Variants in PPIH observed in about 807,000 individuals in gnomAD.
The protein encoded by PPIH is peptidyl-prolyl cis-trans isomerase H.
In PPIH, 16 loss-of-function variants were observed where a neutral mutation model predicts 27.6. The observed-to-expected ratio is 0.58, with a 90% CI of 0.39 to 0.88. The LOEUF (loss-of-function observed/expected upper bound fraction) is 0.88, where lower values mean the gene tolerates loss of function less well. Among genes scored for constraint, PPIH ranks in the 40% least tolerant of loss-of-function variants. The pLI is 0.00. For missense variants in PPIH, 155 were observed against 224.1 expected, an observed-to-expected ratio of 0.69 and a Z score of 1.97; for synonymous variants, 63 against 76.1, an observed-to-expected ratio of 0.83 and a Z score of 0.90.
rs182530078 is a variant in PPIH, at chr1:42,666,124, A to G, written c.424+57A>G. On this transcript the variant is annotated intron_variant, in intron 7 of 9. Coordinates refer to ENST00000304979, the MANE Select transcript of PPIH (RefSeq NM_006347.4). ...CCCATTCACCCTGGATGGAACCTCC[A>G]GAGGAGTTAGTTCTCAAACTCTTAC... The G allele has an allele frequency of 2.8e-3, 4,238 of 1,513,188 alleles. 6 individuals are homozygous for G. Among genetic ancestry groups the G allele is most frequent in the Non-Finnish European group, 3.3e-3 (3,552 of 1,088,632 alleles). 93.7% of individuals were successfully genotyped at this position (1,513,188 alleles called of 1,614,324 possible).
At chr1:42,673,274 C>T (rs887446543) in intron 9 of PPIH, among the ~76,000 whole-genome samples, 1 of 152,184 alleles carries the variant, frequency 6.6e-6, no homozygotes, top group Admixed American at 6.5e-5. Flanking sequence ...CATGAACCAC[C>T]GTGCCCAGCC....
intron 9 of PPIH, among the ~76,000 whole-genome samples, chr1:42,668,437 T>G (rs1649461225): frequency 6.6e-6 from 1 of 152,056 alleles, no homozygotes; most frequent in Non-Finnish European, 1.5e-5. Context: ...CTCTTTCCCA[T>G]TTGAAAGTTG....
chr1:42,660,745 A>G, intron 4 of PPIH, 117 bp from the exon 5 acceptor site: 1 of 951,218 alleles, frequency 1.1e-6, no homozygotes, highest in Non-Finnish European at 1.5e-6. Flanking sequence ...TAATGATTTT[A>G]TAATAGCCAA....
At chr1:42,661,216 T>C (rs1648997897) in intron 5 of PPIH, among the ~76,000 whole-genome samples, 1 of 152,206 alleles carries the variant, frequency 6.6e-6, no homozygotes, top group East Asian at 1.9e-4. Context: ...CACTAATTAG[T>C]CATATGAAAC....
downstream of PPIH, among the ~76,000 whole-genome samples, chr1:42,679,839 G>A (rs910307675): frequency 1.1e-4 from 17 of 152,204 alleles, no homozygotes; most frequent in African/African-American, 3.6e-4. Context: ...CAACAGCTGT[G>A]GAATCCACCC....
rs1648770971 is a variant in PPIH, at chr1:42,658,426, T to G, written c.-21T>G. On this transcript the variant is annotated 5_prime_UTR_variant, in exon 1 of 10. Coordinates refer to ENST00000304979, the MANE Select transcript of PPIH (RefSeq NM_006347.4). ...TTCGCCGGAATCCCACGCTCCCGAC[T>G]TCTGCTTCCGGGTCGGAGCCATGGC... 1 of 1,610,448 alleles carries G rather than the reference T, an allele frequency of 6.2e-7. No individual in the cohort carries two copies. The highest frequency in any genetic ancestry group is 2.2e-5 in the East Asian group (1 of 44,854).
chr1:42,673,509 G>C (rs901674713), intron 9 of PPIH, among the ~76,000 whole-genome samples: 4 of 152,166 alleles, frequency 2.6e-5, no homozygotes, highest in African/African-American at 4.8e-5. Context: ...AAATGGTAGA[G>C]AGCTTTCCTT....
At chr1:42,669,225 G>A (rs189310071) in intron 9 of PPIH, among the ~76,000 whole-genome samples, 30 of 149,542 alleles carry the variant, frequency 2.0e-4, no homozygotes, top group East Asian at 5.9e-4. Context: ...AAGAAAAACC[G>A]AAACTGCAGT....
chr1:42,666,781 GC>G (rs1391228237), intron 8 of PPIH, among the ~76,000 whole-genome samples, 194 bp downstream of exon 8: 1 of 152,236 alleles, frequency 6.6e-6, no homozygotes, highest in South Asian at 2.1e-4. Context: ...TGATCCTGTT[GC>G]CTACTTGATA....
intron 7 of PPIH, 70 bp downstream of exon 7, chr1:42,666,137 C>T: frequency 7.0e-7 from 1 of 1,434,578 alleles, no homozygotes; most frequent in Non-Finnish European, 9.8e-7. Context: ...GGAGTTAGTT[C>T]TCAAACTCTT....
chr1:42,662,608 T>C (rs540792329), intron 5 of PPIH, among the ~76,000 whole-genome samples: 27 of 152,064 alleles, frequency 1.8e-4, no homozygotes, highest in Admixed American at 7.9e-4. Flanking sequence ...CAAAATGGAA[T>C]GAGCAAGAGT....
chr1:42,658,719 G>C (rs926393260), intron 1 of PPIH, 125 bp from the exon 2 acceptor site: 8 of 1,239,628 alleles, frequency 6.5e-6, no homozygotes, highest in Middle Eastern at 3.9e-4. Flanking sequence ...TGGGCGGTTA[G>C]ACTAGGGAGG....
chr1:42,659,891 A>C (rs1206421816), intron 4 of PPIH, among the ~76,000 whole-genome samples: 1 of 152,208 alleles, frequency 6.6e-6, no homozygotes, highest in African/African-American at 2.4e-5. Flanking sequence ...TTTATAACTA[A>C]TTCCTAAAAT....
In PPIH at chr1:42,658,432, T is replaced by C. The variant is rs1269481331; in HGVS notation, c.-15T>C. The C allele has an allele frequency of 1.6e-5, 25 of 1,612,678 alleles. No homozygotes were observed. Among genetic ancestry groups the C allele is most frequent in the Non-Finnish European group, 2.0e-5 (24 of 1,178,774 alleles). On this transcript the variant is annotated 5_prime_UTR_variant, in exon 1 of 10. Coordinates refer to ENST00000304979, the MANE Select transcript of PPIH (RefSeq NM_006347.4). ...GGAATCCCACGCTCCCGACTTCTGC[T>C]TCCGGGTCGGAGCCATGGCGGTGGC...
intron 5 of PPIH, 143 bp downstream of exon 5, chr1:42,661,047 G>A (rs1030307175): frequency 1.3e-5 from 9 of 718,350 alleles, no homozygotes; most frequent in Admixed American, 8.4e-5. Context: ...AGAGAATGGT[G>A]ATGGGGAAGT....
chr1:42,661,474 T>C (rs1176800285), intron 5 of PPIH, among the ~76,000 whole-genome samples: 1 of 152,194 alleles, frequency 6.6e-6, no homozygotes, highest in African/African-American at 2.4e-5. Flanking sequence ...TAACCATAGC[T>C]TTCTTGTAAG....
downstream of PPIH, among the ~76,000 whole-genome samples, chr1:42,677,137 T>C (rs1557523567): frequency 6.6e-6 from 1 of 152,188 alleles, no homozygotes; most frequent in African/African-American, 2.4e-5. Flanking sequence ...AGAGAGTGGA[T>C]ATGAAGGTAA....
intron 9 of PPIH, among the ~76,000 whole-genome samples, chr1:42,668,499 A>G (rs143952972): frequency 1.3e-5 from 2 of 152,240 alleles, no homozygotes. Context: ...ACTCCTAAAA[A>G]TAAGAACATC....
chr1:42,669,746 T>C (rs1444285505), intron 9 of PPIH, among the ~76,000 whole-genome samples: 2 of 152,258 alleles, frequency 1.3e-5, no homozygotes, highest in Non-Finnish European at 2.9e-5. Context: ...TCACTGCTTT[T>C]CAGTTTTGTC....
Sources: gnomAD v4.1 joint callset for allele counts (sites outside exome capture counted in the v4.1 genomes callset) on GRCh38, gnomAD v4.1.1 for gene constraint, MANE v1.5 for transcripts, NCBI Gene and HGNC (gene_info 2026-07-23, HGNC 2026-07-21) for gene names.